Variants in NBPF11 observed in about 807,000 individuals in gnomAD.
NBPF11 encodes the protein NBPF family member NBPF11.
A neutral mutation model predicts 93.9 loss-of-function variants in NBPF11; 72 were observed. The ratio of observed to expected loss-of-function variants is 0.77; its 90% CI spans 0.63 to 0.93. The LOEUF is 0.93. Among genes scored for constraint, NBPF11 ranks in the 40% least tolerant of loss-of-function variants. The pLI is 0.00. For synonymous variants in NBPF11, 224 were observed against 304.9 expected (o/e 0.73, Z 2.76); for missense variants, 705 against 802.2 (o/e 0.88, Z 1.46).
At chr1:148,138,888 A>G (rs1671761176) in intron 2 of NBPF11, among the ~76,000 whole-genome samples, 1 of 151,622 alleles carries the variant, frequency 6.6e-6, no homozygotes, top group African/African-American at 2.4e-5. Flanking sequence ...GTCAAGAGTT[A>G]GAGACCAACC....
At chr1:148,121,146 G>A (rs2149231198) in intron 9 of NBPF11, among the ~76,000 whole-genome samples, 1 of 151,716 alleles carries the variant, frequency 6.6e-6, no homozygotes, top group East Asian at 1.9e-4. Flanking sequence ...CCGGGTTCAA[G>A]CGATTCTCAT....
chr1:148,119,539 T>A lies in NBPF11; in HGVS notation c.989-817A>T, dbSNP rs1381421027. 9.9e-5 allele frequency among the ~76,000 whole-genome samples: 15 copies of A among 151,958 alleles called. No homozygotes were observed. In the East Asian group the frequency reaches 1.7e-3, roughly 18 times the overall value. On this transcript the variant is annotated intron_variant, in intron 10 of 23. Coordinates refer to ENST00000682118, the MANE Select transcript of NBPF11 (RefSeq NM_001385469.3). ...GTCCCTGCTCTGTACACTGCACTGC[T>A]ACCTCCACACATTCTCGGGTGCGAT...
intron 16 of NBPF11, 83 bp downstream of exon 16, chr1:148,110,295 A>G: frequency 6.5e-7 from 1 of 1,547,474 alleles, no homozygotes; most frequent in Non-Finnish European, 8.9e-7. Context: ...TCTCAGCCCA[A>G]CCAGGGGCAC....
At chr1:148,148,961 C>T (rs1183016843) in intron 1 of NBPF11, among the ~76,000 whole-genome samples, 3 of 151,058 alleles carry the variant, frequency 2.0e-5, no homozygotes, top group Admixed American at 6.6e-5. Flanking sequence ...CGGGGCGGGG[C>T]CGCTGGCTTC....
Position 148,134,966 on chromosome 1 carries a change from C to A in NBPF11, c.-36+706G>T, listed in dbSNP as rs1167651892. Among the ~76,000 whole-genome samples, 49 of 151,548 alleles carry A rather than the reference C, an allele frequency of 3.2e-4. 1 individual carries two copies. Among genetic ancestry groups the A allele is most frequent in the African/African-American group, 1.2e-3 (48 of 40,936 alleles). ...TTCTTCACCTTTTCAATAAACCTGC[C>A]TGAATTAAAGCTGATGGGAGTTTAT... On this transcript the variant is annotated intron_variant, in intron 4 of 23. Transcript: ENST00000682118.
At chr1:148,149,541 A>C in intron 1 of NBPF11, 1 of 1,594,060 alleles carries the variant, frequency 6.3e-7, no homozygotes, top group Admixed American at 1.7e-5. Context: ...TTCATCTCCC[A>C]GGAGCTGCCC....
intron 1 of NBPF11, among the ~76,000 whole-genome samples, chr1:148,150,725 AG>A (rs1648074537): frequency 6.9e-6 from 1 of 145,048 alleles, no homozygotes; most frequent in Non-Finnish European, 1.5e-5. Context: ...CTGCAAGAAA[AG>A]GCTTTTTTTT....
intron 17 of NBPF11, among the ~76,000 whole-genome samples, chr1:148,108,914 A>G (rs868994672): frequency 1.8e-4 from 27 of 147,460 alleles, no homozygotes; most frequent in South Asian, 4.3e-4. Flanking sequence ...TCAATTGGCC[A>G]GGTGACACAC....
In NBPF11 at chr1:148,151,859, G is replaced by T. The variant is rs1284119777; in HGVS notation, c.-658C>A. 6.6e-6 allele frequency: 1 copy of T among 152,262 alleles called. No individual in the cohort carries two copies. Among genetic ancestry groups the T allele is most frequent in the East Asian group, 1.9e-4 (1 of 5,178 alleles). The allele number at this position is 152,262 out of a possible 1,614,324, so 9.4% of individuals were successfully genotyped here. A position where few individuals can be genotyped will look rare whatever the true frequency, so the allele number is the denominator to read the frequency against. Reference sequence around the variant, plus strand: ...TGGCGCCGCAGGTCGCCCGTCCCGCGTTCCCAAAATCACCAGGCTCACTCA... The same window carrying T: ...TGGCGCCGCAGGTCGCCCGTCCCGCTTTCCCAAAATCACCAGGCTCACTCA... On this transcript the variant is annotated 5_prime_UTR_variant, in exon 1 of 24. Coordinates refer to ENST00000682118, the MANE Select transcript of NBPF11 (RefSeq NM_001385469.3).
At chr1:148,146,628 C>T (rs1673144731) in intron 1 of NBPF11, 3 of 1,611,206 alleles carry the variant, frequency 1.9e-6, no homozygotes, top group Admixed American at 1.7e-5. Flanking sequence ...ACTTCCAGTA[C>T]AGCCAGCGCG....
At position 148,103,407 on chromosome 1, in the gene NBPF11, C is replaced by T. The variant is rs1317026710; in HGVS notation, c.*489G>A. On this transcript the variant is annotated 3_prime_UTR_variant, in exon 24 of 24. Transcript: ENST00000682118. ...GGAATTTTGTAGCTACCCAGAGATA[C>T]GTGGTTCAAATTAAAATGTCCGACT... The T allele has an allele frequency of 1.5e-5, 8 of 534,096 alleles. No individual in the cohort carries two copies. Among genetic ancestry groups the T allele is most frequent in the South Asian group, 4.1e-5 (2 of 48,296 alleles). 33.1% of individuals were successfully genotyped at this position (534,096 alleles called of 1,614,324 possible). A position where few individuals can be genotyped will look rare whatever the true frequency, so the allele number is the denominator to read the frequency against.
At chr1:148,149,280 C>T (rs1647616310) in intron 1 of NBPF11, 7 of 1,596,744 alleles carry the variant, frequency 4.4e-6, no homozygotes, top group South Asian at 3.3e-5. Flanking sequence ...CCGCTCACCT[C>T]GGGCATGCGC....
In NBPF11 at chr1:148,122,093, G is replaced by C. The variant is rs1668011645; in HGVS notation, c.740C>G (p.Ser247Cys). The stretch of plus-strand genomic sequence containing the variant: ...TAGAGCATCCTGACATCCATCATGA[G>C]AGGATTCTCTGTCTACAACCAGAGA... ...NSSLVVDRESSHDGCQDALNI... is the reference protein window; with the variant it reads ...NSSLVVDRESCHDGCQDALNI... Residue 247 changes from serine to cysteine, a missense_variant, in exon 9 of 24, where the codon TCT becomes TGT. This residue lies in a region of NBPF11 where 262 missense variants were observed against 223.1 expected (regional missense o/e 1.17). Coordinates refer to ENST00000682118, the MANE Select transcript of NBPF11 (RefSeq NM_001385469.3). The C allele has an allele frequency of 1.9e-6, 3 of 1,612,654 alleles. No individual in the cohort carries two copies. The highest frequency in any genetic ancestry group is 1.7e-6 in the Non-Finnish European group (2 of 1,178,908).
At chr1:148,149,548 G>T in intron 1 of NBPF11, 1 of 1,593,966 alleles carries the variant, frequency 6.3e-7, no homozygotes, top group Non-Finnish European at 8.5e-7. Context: ...CCCAGGAGCT[G>T]CCCAGCCAGC....
At position 148,121,348 on chromosome 1, in the gene NBPF11, CT is replaced by C. The variant is rs782740427; in HGVS notation, c.779-639del. Among the ~76,000 whole-genome samples, 305 of 124,828 alleles carry C rather than the reference CT, an allele frequency of 2.4e-3. 1 individual carries two copies. Among genetic ancestry groups the C allele is most frequent in the Admixed American group, 3.3e-3 (40 of 11,968 alleles). The allele number at this position is 124,828 out of a possible 152,430, so 81.9% of individuals were successfully genotyped here. On this transcript the variant is annotated intron_variant, in intron 9 of 23. Coordinates refer to ENST00000682118, the MANE Select transcript of NBPF11 (RefSeq NM_001385469.3). Reference sequence around the variant, plus strand: ...GTGAGCCAGCGTCCCTGGTCAGAGACTTTTTTTTTTTTTTTTTGAGATGCAG... The same window carrying C: ...GTGAGCCAGCGTCCCTGGTCAGAGACTTTTTTTTTTTTTTTTGAGATGCAG...
rs1182094043 is a variant in NBPF11, at chr1:148,115,123, C to T, written c.1586-635G>A. On this transcript the variant is annotated intron_variant, in intron 14 of 23. Coordinates refer to ENST00000682118, the MANE Select transcript of NBPF11 (RefSeq NM_001385469.3). Reference sequence around the variant, plus strand: ...GAGGTTGCACCAAGTCAAGATGGTGCCACTGCACTCCAGCCTAGGTGACAG... The same window carrying T: ...GAGGTTGCACCAAGTCAAGATGGTGTCACTGCACTCCAGCCTAGGTGACAG... Among the ~76,000 whole-genome samples the T allele has an allele frequency of 6.9e-5, 7 of 101,900 alleles. No individual in the cohort carries two copies. The South Asian group carries it at 1.2e-3, about 18-fold the overall frequency. The allele number at this position is 101,900 out of a possible 152,430, so 66.9% of individuals were successfully genotyped here.
chr1:148,140,116 C>T (rs1671935933), intron 2 of NBPF11, among the ~76,000 whole-genome samples: 1 of 151,884 alleles, frequency 6.6e-6, no homozygotes, highest in Non-Finnish European at 1.5e-5. Context: ...ATACGGAGCC[C>T]AGAAGCAGGC....
intron 9 of NBPF11, among the ~76,000 whole-genome samples, chr1:148,121,070 A>C (rs1299663574): frequency 6.6e-6 from 1 of 151,632 alleles, no homozygotes; most frequent in Non-Finnish European, 1.5e-5. Flanking sequence ...TTTGAGACGG[A>C]GTCTCACTCT....
At chr1:148,142,406 C>T (rs1226743089) in intron 2 of NBPF11, among the ~76,000 whole-genome samples, 1 of 151,760 alleles carries the variant, frequency 6.6e-6, no homozygotes, top group Non-Finnish European at 1.5e-5. Context: ...TGGATAAGTT[C>T]TGGTGCCCCA....
Sources: gnomAD v4.1 joint callset for allele counts (sites outside exome capture counted in the v4.1 genomes callset) on GRCh38, gnomAD v4.1.1 for gene constraint, gnomAD v4.1.1 regional missense constraint, MANE v1.5 for transcripts, NCBI Gene and HGNC (gene_info 2026-07-23, HGNC 2026-07-21) for gene names.